Variants in CTNNA3 observed in about 807,000 individuals in gnomAD.
CTNNA3 encodes the protein catenin alpha 3.
In CTNNA3, 76 loss-of-function variants were observed where a neutral mutation model predicts 95.7. The ratio of observed to expected loss-of-function variants is 0.79; its 90% CI spans 0.66 to 0.96. The LOEUF (loss-of-function observed/expected upper bound fraction) is 0.96, where lower values mean the gene tolerates loss of function less well. CTNNA3 is among the 40% of genes least tolerant of loss of function. The pLI is 0.00. For synonymous variants in CTNNA3, 431 were observed against 374.4 expected, an observed-to-expected ratio of 1.15 and a Z score of -1.74; for missense variants, 1,191 against 1,089.8, an observed-to-expected ratio of 1.09 and a Z score of -1.31.
intron 10 of CTNNA3, among the ~76,000 whole-genome samples, chr10:66,615,610 T>C (rs1844482921): frequency 6.6e-6 from 1 of 152,024 alleles, no homozygotes; most frequent in Non-Finnish European, 1.5e-5. Context: ...TACTTTATTA[T>C]TTCATAAATC....
intron 7 of CTNNA3, among the ~76,000 whole-genome samples, chr10:66,905,065 T>C (rs1000970957): frequency 2.6e-5 from 4 of 152,166 alleles, no homozygotes; most frequent in African/African-American, 9.7e-5. Flanking sequence ...TAAAGACACA[T>C]GCACACGTGT....
At chr10:66,829,218 C>A (rs1315178772) in intron 7 of CTNNA3, among the ~76,000 whole-genome samples, 2 of 152,176 alleles carry the variant, frequency 1.3e-5, no homozygotes, top group Non-Finnish European at 2.9e-5. Flanking sequence ...AAAAGTGGTT[C>A]AGGGCCAAAT....
intron 7 of CTNNA3, among the ~76,000 whole-genome samples, chr10:66,782,946 C>T (rs934710325): frequency 6.6e-6 from 1 of 152,060 alleles, no homozygotes; most frequent in Non-Finnish European, 1.5e-5. Flanking sequence ...TTGACCTTAA[C>T]TAGGATGAAT....
At chr10:66,627,270 G>A (rs542765035) in intron 9 of CTNNA3, among the ~76,000 whole-genome samples, 176 of 152,046 alleles carry the variant, frequency 1.2e-3, no homozygotes, top group African/African-American at 4.0e-3. Context: ...GATTTCCCTC[G>A]GAGAACAGTT....
At chr10:66,108,861 T>C (rs2082008196) in intron 13 of CTNNA3, among the ~76,000 whole-genome samples, 1 of 152,234 alleles carries the variant, frequency 6.6e-6, no homozygotes, top group Non-Finnish European at 1.5e-5. Flanking sequence ...CTTTGCCTTC[T>C]GTCTTTTAAT....
At chr10:66,949,347 G>A (rs1189134248) in intron 7 of CTNNA3, among the ~76,000 whole-genome samples, 1 of 151,914 alleles carries the variant, frequency 6.6e-6, no homozygotes, top group African/African-American at 2.4e-5. Context: ...ACCTGAGGTC[G>A]GGAGTTGGAG....
chr10:67,727,393 T>G (rs1294275088), intron 1 of CTNNA3, among the ~76,000 whole-genome samples: 1 of 133,076 alleles, frequency 7.5e-6, no homozygotes, highest in Non-Finnish European at 1.5e-5. Flanking sequence ...GTATTATAAT[T>G]ATATAATATG....
chr10:66,171,881 T>C (rs2085451576), intron 13 of CTNNA3, among the ~76,000 whole-genome samples: 1 of 152,162 alleles, frequency 6.6e-6, no homozygotes, highest in Non-Finnish European at 1.5e-5. Flanking sequence ...AAATCATCAA[T>C]GCTGCTGGGC....
chr10:66,195,167 A>G (rs2086886722), intron 13 of CTNNA3, among the ~76,000 whole-genome samples: 1 of 152,078 alleles, frequency 6.6e-6, no homozygotes, highest in African/African-American at 2.4e-5. Flanking sequence ...ACTAGATATC[A>G]CTGGGATTTA....
intron 15 of CTNNA3, among the ~76,000 whole-genome samples, chr10:66,023,520 A>G (rs1281267857): frequency 6.6e-6 from 1 of 152,184 alleles, no homozygotes; most frequent in African/African-American, 2.4e-5. Context: ...AAAAATATGG[A>G]GGTGAAATAC....
chr10:66,980,650 C>T (rs1329249048), intron 7 of CTNNA3, among the ~76,000 whole-genome samples: 1 of 152,202 alleles, frequency 6.6e-6, no homozygotes, highest in Non-Finnish European at 1.5e-5. Context: ...GCCCGCAATT[C>T]TGTTGAAATA....
intron 7 of CTNNA3, among the ~76,000 whole-genome samples, chr10:67,067,254 T>C (rs1856150382): frequency 1.3e-5 from 2 of 152,046 alleles, no homozygotes; most frequent in African/African-American, 4.8e-5. Flanking sequence ...TATTTGTCTG[T>C]TCGTATTAGA....
chr10:67,632,893 G>T (rs1839191367), intron 2 of CTNNA3, among the ~76,000 whole-genome samples: 2 of 152,090 alleles, frequency 1.3e-5, no homozygotes, highest in South Asian at 4.1e-4. Context: ...GCGTCATTCT[G>T]CAGGCCTGCT....
chr10:66,002,222 T>C (rs941649541), intron 15 of CTNNA3, among the ~76,000 whole-genome samples: 1 of 152,196 alleles, frequency 6.6e-6, no homozygotes, highest in Non-Finnish European at 1.5e-5. Flanking sequence ...GGACACACTG[T>C]TCTTCTACTA....
At chr10:66,093,235 C>T (rs1039070403) in intron 14 of CTNNA3, among the ~76,000 whole-genome samples, 4 of 151,954 alleles carry the variant, frequency 2.6e-5, no homozygotes, top group African/African-American at 9.7e-5. Flanking sequence ...AGAAATGACA[C>T]TAAATTTAAA....
At chr10:67,686,052 T>G (rs1411888866) in intron 1 of CTNNA3, among the ~76,000 whole-genome samples, 1 of 152,244 alleles carries the variant, frequency 6.6e-6, no homozygotes, top group African/African-American at 2.4e-5. Context: ...GTTTTTGCAT[T>G]GTATGCAATA....
intron 3 of CTNNA3, among the ~76,000 whole-genome samples, chr10:67,555,706 A>G (rs1296935920): frequency 6.6e-6 from 1 of 152,204 alleles, no homozygotes; most frequent in African/African-American, 2.4e-5. Flanking sequence ...GCAAACAGAG[A>G]CAATTTGACT....
intron 11 of CTNNA3, among the ~76,000 whole-genome samples, chr10:66,401,497 C>A (rs1175933717): frequency 6.9e-6 from 1 of 143,924 alleles, no homozygotes; most frequent in African/African-American, 2.6e-5. Flanking sequence ...AGCCTGGTGA[C>A]AGAGCTAGAC....
chr10:66,832,552 T>C (rs12260617), intron 7 of CTNNA3, among the ~76,000 whole-genome samples: 37,972 of 151,814 alleles, frequency 0.25, 5,337 homozygotes, highest in East Asian at 0.4. Flanking sequence ...TAAAAAGATA[T>C]ACACGTTATA....
Sources: allele counts gnomAD v4.1 joint callset (sites outside exome capture counted in the v4.1 genomes callset), GRCh38; gene constraint gnomAD v4.1.1; transcripts MANE v1.5; gene names NCBI Gene and HGNC (gene_info 2026-07-23, HGNC 2026-07-21).